Variants in USP34 observed in about 807,000 individuals in gnomAD.
USP34 encodes the protein ubiquitin carboxyl-terminal hydrolase 34.
Under a neutral mutation model 460.3 loss-of-function variants are expected in USP34, and 70 were observed. The ratio of observed to expected loss-of-function variants is 0.15; its 90% CI spans 0.13 to 0.19. USP34 has a LOEUF of 0.19. USP34 is among the 10% of genes least tolerant of loss of function. The probability of loss-of-function intolerance (pLI) is 1.00; values close to 1 mark genes in which losing one functional copy is unlikely to be tolerated. For missense variants in USP34, 3,985 were observed against 4,236.2 expected (o/e 0.94, Z 1.65); for synonymous variants, 1,647 against 1,405.3 (o/e 1.17, Z -3.85).
chr2:61,267,636 CAG>C (rs1218030935), intron 41 of USP34, among the ~76,000 whole-genome samples: 4 of 151,762 alleles, frequency 2.6e-5, no homozygotes, highest in Admixed American at 1.3e-4. Context: ...TTGTTTGAGA[CAG>C]AGTCTTGCTC....
chr2:61,366,071 A>T (rs1265653293), intron 10 of USP34, among the ~76,000 whole-genome samples: 1 of 152,144 alleles, frequency 6.6e-6, no homozygotes, highest in Non-Finnish European at 1.5e-5. Context: ...GATTACAGGC[A>T]TGCGCCGCCA....
chr2:61,396,544 A>G (rs1693534254), intron 3 of USP34, among the ~76,000 whole-genome samples: 1 of 150,998 alleles, frequency 6.6e-6, no homozygotes, highest in Non-Finnish European at 1.5e-5. Flanking sequence ...GCTGGAGTGC[A>G]GGAGCATGAT....
At chr2:61,276,870 T>C (rs140163998) in intron 41 of USP34, among the ~76,000 whole-genome samples, 1 of 152,340 alleles carries the variant, frequency 6.6e-6, no homozygotes, top group Non-Finnish European at 1.5e-5. Flanking sequence ...TCCTTTAGTC[T>C]ATGCCTATGA....
At chr2:61,315,520 T>C (rs965029642) in intron 23 of USP34, among the ~76,000 whole-genome samples, 2 of 152,080 alleles carry the variant, frequency 1.3e-5, no homozygotes, top group African/African-American at 4.8e-5. Context: ...ATTACAGGCA[T>C]GCGCCACAAC....
chr2:61,221,318 T>C (rs1687578040), intron 66 of USP34, among the ~76,000 whole-genome samples, 184 bp downstream of exon 66: 1 of 152,218 alleles, frequency 6.6e-6, no homozygotes, highest in African/African-American at 2.4e-5. Context: ...CTGTTTATGA[T>C]GCTACAAGAA....
intron 1 of USP34, among the ~76,000 whole-genome samples, chr2:61,451,401 G>A (rs1001657101): frequency 6.6e-6 from 1 of 151,160 alleles, no homozygotes; most frequent in Non-Finnish European, 1.5e-5. Context: ...AGACAGACAT[G>A]GTGCTGGGTG....
chr2:61,442,419 AAAG>A (rs1694991958), intron 1 of USP34, among the ~76,000 whole-genome samples: 1 of 151,762 alleles, frequency 6.6e-6, no homozygotes, highest in Non-Finnish European at 1.5e-5. Context: ...AAAAAAAAAA[AAAG>A]AAAAAATCCA....
intron 1 of USP34, among the ~76,000 whole-genome samples, chr2:61,456,346 G>C (rs573119220): frequency 1.3e-5 from 2 of 152,246 alleles, no homozygotes; most frequent in South Asian, 4.1e-4. Context: ...CATCCTCTTT[G>C]AACTCTATTT....
At chr2:61,326,242 C>T (rs1691085362) in intron 20 of USP34, among the ~76,000 whole-genome samples, 1 of 152,118 alleles carries the variant, frequency 6.6e-6, no homozygotes, top group Non-Finnish European at 1.5e-5. Context: ...GAGTCTCACT[C>T]TGTTGTCTAG....
intron 15 of USP34, among the ~76,000 whole-genome samples, chr2:61,345,599 A>T (rs954137986): frequency 6.6e-6 from 1 of 152,216 alleles, no homozygotes; most frequent in Non-Finnish European, 1.5e-5. Flanking sequence ...TTAGCCCAGG[A>T]AATCCTCACA....
intron 53 of USP34, among the ~76,000 whole-genome samples, chr2:61,236,674 T>C (rs180944911): frequency 1.3e-5 from 2 of 152,332 alleles, no homozygotes; most frequent in Admixed American, 6.5e-5. Flanking sequence ...AGAGCAAGTA[T>C]ATAATTGAAT....
At chr2:61,335,012 CA>C in intron 18 of USP34, among the ~76,000 whole-genome samples, 1 of 142,388 alleles carries the variant, frequency 7.0e-6, no homozygotes, top group African/African-American at 3.1e-5. Flanking sequence ...CTATAATGAC[CA>C]GACAGAGTCA....
chr2:61,231,736 C>T, intron 58 of USP34, among the ~76,000 whole-genome samples: 1 of 151,688 alleles, frequency 6.6e-6, no homozygotes, highest in East Asian at 1.9e-4. Flanking sequence ...AACAAAATTA[C>T]CAGGTGTGGT....
In USP34 at chr2:61,232,474, C is replaced by A; in HGVS notation, c.7091G>T (p.Cys2364Phe). The A allele has an allele frequency of 1.2e-6, 2 of 1,609,302 alleles. No individual in the cohort carries two copies. Among genetic ancestry groups the A allele is most frequent in the Non-Finnish European group, 1.7e-6 (2 of 1,178,864 alleles). ...DWWPMQILIKCPNQIVRQMFQ... is the reference protein window; with the variant it reads ...DWWPMQILIKFPNQIVRQMFQ... ...TACCTGTCTCACAATTTGATTAGGG[C>A]ACTTAATTAGTATCTGCATTGGCCA... Residue 2364 changes from cysteine (C) to phenylalanine (F), a missense_variant, in exon 58 of 80, where the codon TGC (cysteine) becomes TTC (phenylalanine). By Grantham distance (205) the Cys-to-Phe change is radical. Coordinates refer to ENST00000398571, the MANE Select transcript of USP34 (RefSeq NM_014709.4).
At chr2:61,192,800 T>A in intron 76 of USP34, 101 bp downstream of exon 76, 1 of 858,402 alleles carries the variant, frequency 1.2e-6, no homozygotes, top group Non-Finnish European at 1.8e-6. Context: ...TTCTAAAATG[T>A]CCCCACTTTT....
chr2:61,293,060 G>C (rs905990518), intron 33 of USP34, among the ~76,000 whole-genome samples: 2 of 151,520 alleles, frequency 1.3e-5, no homozygotes, highest in Non-Finnish European at 2.9e-5. Context: ...AACATGGTCT[G>C]GAAACACGTT....
intron 20 of USP34, among the ~76,000 whole-genome samples, chr2:61,328,335 T>C (rs1691160755): frequency 6.7e-6 from 1 of 148,906 alleles, no homozygotes; most frequent in Non-Finnish European, 1.5e-5. Context: ...AAAAATAATA[T>C]AAAATCAAAA....
intron 1 of USP34, among the ~76,000 whole-genome samples, chr2:61,445,534 CAAA>C (rs35610519): frequency 4.6e-5 from 5 of 107,824 alleles, no homozygotes; most frequent in African/African-American, 3.5e-5. Context: ...GACTCCGTCT[CAAA>C]AAAAAAAAAA....
chr2:61,229,497 C>CA, intron 59 of USP34, 51 bp downstream of exon 59: 1 of 874,432 alleles, frequency 1.1e-6, no homozygotes, highest in Non-Finnish European at 1.6e-6. Flanking sequence ...AACAAAAACA[C>CA]CACACACACA....
Sources: gnomAD v4.1 joint callset for allele counts (sites outside exome capture counted in the v4.1 genomes callset) on GRCh38, gnomAD v4.1.1 for gene constraint, MANE v1.5 for transcripts, NCBI Gene and HGNC (gene_info 2026-07-23, HGNC 2026-07-21) for gene names.